The following INVS variants were observed in gnomAD, a reference collection of about 807,000 sequenced individuals.
INVS encodes the protein inversin, also known as inversion of embryo turning homolog.
Under a neutral mutation model 108.8 loss-of-function variants are expected in INVS, and 86 were observed. That is an observed-to-expected ratio of 0.79 (90% confidence interval 0.66 to 0.95). The LOEUF is 0.95. INVS is among the 40% of genes least tolerant of loss of function. INVS has a pLI of 0.00. For synonymous variants in INVS, 455 were observed against 473.5 expected (o/e 0.96, Z 0.51); for missense variants, 1,169 against 1,297.4 (o/e 0.90, Z 1.52).
Position 100,264,731 on chromosome 9 carries a change from G to A in INVS, c.1465-91G>A, listed in dbSNP as rs78657383. ...TTGTAAATAAGCAATTTGGAAAAAT[G>A]ATTGCTTATATTAATTTTGAATTAG... On this transcript the variant is annotated intron_variant, in intron 10 of 16. Transcript: ENST00000262457. The A allele has an allele frequency of 1.7e-3, 1,491 of 870,836 alleles. 13 individuals carry two copies. In the African/African-American group the frequency reaches 0.023, roughly 14 times the overall value. 53.9% of individuals were successfully genotyped at this position (870,836 alleles called of 1,614,324 possible). A position where few individuals can be genotyped will look rare whatever the true frequency, so the allele number is the denominator to read the frequency against.
chr9:100,298,528 G>A (rs917734034), intron 16 of INVS, among the ~76,000 whole-genome samples: 1 of 151,924 alleles, frequency 6.6e-6, no homozygotes, highest in African/African-American at 2.4e-5. Context: ...ATTCACACCA[G>A]CATTAAATAT....
intron 11 of INVS, among the ~76,000 whole-genome samples, chr9:100,266,990 A>G (rs1235920569): frequency 7.1e-6 from 1 of 139,906 alleles, no homozygotes; most frequent in African/African-American, 2.6e-5. Context: ...CATTAGAGGG[A>G]GAGCTGAAGA....
intron 13 of INVS, among the ~76,000 whole-genome samples, chr9:100,288,638 T>C (rs948990848): frequency 3.3e-5 from 5 of 151,542 alleles, no homozygotes; most frequent in Admixed American, 3.3e-4. Context: ...TTTTTTTTTT[T>C]AAGACAGGGT....
At chr9:100,165,837 T>C (rs186672833) in intron 3 of INVS, among the ~76,000 whole-genome samples, 105 of 152,298 alleles carry the variant, frequency 6.9e-4, no homozygotes, top group African/African-American at 2.3e-3. Flanking sequence ...GATTCATTTC[T>C]ATATTTTTTG....
At position 100,297,020 on chromosome 9, in the gene INVS, G is replaced by A; in HGVS notation, c.2890G>A (p.Val964Ile). Residue 964 changes from valine to isoleucine, a missense_variant, in exon 15 of 17, where the codon GTT becomes ATT. Transcript: ENST00000262457. ...RQESTALLLQ[V>I]WRKELELKFP... is the part of the protein sequence containing the mutation. ...AGAGTCTACAGCATTGCTCCTCCAG[G>A]TTTGGAGGAAGGAACTGGAACTAAA... 1 of 1,613,852 alleles carries A rather than the reference G, an allele frequency of 6.2e-7. No homozygotes were observed. The highest frequency in any genetic ancestry group is 1.6e-4 in the Middle Eastern group (1 of 6,062).
At chr9:100,141,926 C>T (rs1446707716) in intron 3 of INVS, among the ~76,000 whole-genome samples, 2 of 152,138 alleles carry the variant, frequency 1.3e-5, no homozygotes, top group Admixed American at 6.5e-5. Context: ...GTCTAAGAAC[C>T]ATTTGCCTTC....
chr9:100,278,897 A>G (rs1833193844), intron 12 of INVS, among the ~76,000 whole-genome samples: 1 of 152,222 alleles, frequency 6.6e-6, no homozygotes, highest in South Asian at 2.1e-4. Flanking sequence ...ACAGATTATA[A>G]CAGTCTGTGT....
intron 10 of INVS, among the ~76,000 whole-genome samples, chr9:100,260,362 A>G (rs1370961567): frequency 6.6e-6 from 1 of 151,030 alleles, no homozygotes; most frequent in Non-Finnish European, 1.5e-5. Context: ...GCTAATTTTT[A>G]TAATGTTTTT....
rs541765057 is a variant in INVS at position 100,104,354 on chromosome 9, T to C, written c.-24-144T>C. 168 of 667,870 alleles carry C rather than the reference T, an allele frequency of 2.5e-4. No individual in the cohort carries two copies. The East Asian group carries it at 4.7e-3, about 19-fold the overall frequency. The allele number at this position is 667,870 out of a possible 1,614,324, so 41.4% of individuals were successfully genotyped here. ...TGCTAGTATTACAGATATGTACCAC[T>C]GCACCCAGCCAGGACTATAGATTTT... On this transcript the variant is annotated intron_variant, in intron 1 of 16. Coordinates refer to ENST00000262457, the MANE Select transcript of INVS (RefSeq NM_014425.5).
chr9:100,248,729 G>A (rs1253353810), intron 8 of INVS, among the ~76,000 whole-genome samples: 3 of 151,810 alleles, frequency 2.0e-5, no homozygotes, highest in African/African-American at 7.3e-5. Context: ...GCTGGGCCTG[G>A]GTCTCTGTAA....
In INVS at chr9:100,252,409, A is replaced by C. The variant is rs774183455; in HGVS notation, c.1205A>C (p.His402Pro). ...CTTTTCCGAGCCTGTGAGATGGGAC[A>C]CAAAGATGTGATTCAGACACTCATT... ...TPLFRACEMGHKDVIQTLIKG... is the reference protein window; with the variant it reads ...TPLFRACEMGPKDVIQTLIKG... Residue 402 changes from histidine (H) to proline (P), a missense_variant, in exon 9 of 17, where the codon CAC becomes CCC. By Grantham distance (77) the His-to-Pro change is moderately conservative. Around this residue, in one of 3 missense-constraint regions of INVS, gnomAD observed 271 missense variants for 363.8 expected, o/e 0.74. Coordinates refer to ENST00000262457, the MANE Select transcript of INVS (RefSeq NM_014425.5). 6.2e-7 allele frequency: 1 copy of C among 1,613,998 alleles called. No individual in the cohort carries two copies. The highest frequency in any genetic ancestry group is 2.2e-5 in the East Asian group (1 of 44,868).
chr9:100,163,862 G>A (rs1403677031), intron 3 of INVS, among the ~76,000 whole-genome samples: 1 of 152,186 alleles, frequency 6.6e-6, no homozygotes, highest in African/African-American at 2.4e-5. Flanking sequence ...ATCACAGAAG[G>A]CCTGTATGCT....
intron 3 of INVS, among the ~76,000 whole-genome samples, chr9:100,196,213 C>T (rs538227766): frequency 6.6e-6 from 1 of 152,170 alleles, no homozygotes; most frequent in South Asian, 2.1e-4. Flanking sequence ...TTCTTCTTAC[C>T]TCCATTTTAG....
At chr9:100,134,785 C>T (rs1342016342) in intron 3 of INVS, among the ~76,000 whole-genome samples, 1 of 152,124 alleles carries the variant, frequency 6.6e-6, no homozygotes, top group Non-Finnish European at 1.5e-5. Context: ...AACCCAAATA[C>T]GTACCAACAG....
chr9:100,214,547 G>T (rs533109640), intron 3 of INVS, among the ~76,000 whole-genome samples: 118 of 152,270 alleles, frequency 7.7e-4, no homozygotes, highest in Non-Finnish European at 1.4e-3. Context: ...GCCATGCATG[G>T]CATAATCCAA....
At chr9:100,232,999 T>C (rs2118450728) in intron 5 of INVS, among the ~76,000 whole-genome samples, 1 of 152,274 alleles carries the variant, frequency 6.6e-6, no homozygotes, top group South Asian at 2.1e-4. Flanking sequence ...GTGGAATGTT[T>C]TTCCATTTGT....
chr9:100,145,051 T>C (rs552039175), intron 3 of INVS, among the ~76,000 whole-genome samples: 3 of 152,222 alleles, frequency 2.0e-5, no homozygotes, highest in East Asian at 3.9e-4. Flanking sequence ...TGAGTTTGTA[T>C]TGGGGTCAAG....
At chr9:100,289,863 C>G (rs1588148630) in intron 13 of INVS, among the ~76,000 whole-genome samples, 1 of 152,190 alleles carries the variant, frequency 6.6e-6, no homozygotes, top group African/African-American at 2.4e-5. Context: ...AAGTTTTCAA[C>G]TTATTTGAGT....
chr9:100,130,825 T>C (rs1400979421), intron 3 of INVS: 1 of 152,202 alleles, frequency 6.6e-6, no homozygotes, highest in Non-Finnish European at 1.5e-5. Context: ...AACAACATGA[T>C]TCCTGCTCTT....
Sources: gnomAD v4.1 joint callset for allele counts (sites outside exome capture counted in the v4.1 genomes callset) on GRCh38, gnomAD v4.1.1 for gene constraint, gnomAD v4.1.1 regional missense constraint, MANE v1.5 for transcripts, NCBI Gene and HGNC (gene_info 2026-07-23, HGNC 2026-07-21) for gene names.